Variants in EXOC4 observed in about 807,000 individuals in gnomAD.
The protein encoded by EXOC4 is exocyst complex component 4.
EXOC4 carries 71 observed loss-of-function variants against 107.2 expected under a neutral mutation model. The observed-to-expected ratio is 0.66, with a 90% CI of 0.55 to 0.81. The LOEUF is 0.81. Ranked by LOEUF, EXOC4 falls within the 30% of genes least tolerant of loss-of-function variation. EXOC4 has a pLI of 0.00. For missense variants in EXOC4, 1,108 were observed against 1,189.6 expected (o/e 0.93, Z 1.01); for synonymous variants, 456 against 441.2 (o/e 1.03, Z -0.42).
chr7:133,827,970 A>G (rs1286405220), intron 11 of EXOC4, among the ~76,000 whole-genome samples: 2 of 152,160 alleles, frequency 1.3e-5, no homozygotes, highest in Non-Finnish European at 2.9e-5. Flanking sequence ...ACTTTCTATC[A>G]TGAGTAAAGG....
At position 133,329,815 on chromosome 7, in the gene EXOC4, ACCAGCCAGATG is replaced by A. The variant is rs369224107; in HGVS notation, c.763+12435_763+12445del. On this transcript the variant is annotated intron_variant, in intron 5 of 17. Transcript: ENST00000253861. The stretch of plus-strand genomic sequence containing the variant: ...TCTGGAAGCTTCATCTCAGAGGGGC[ACCAGCCAGATG>A]CCAGCCAGAGCTCTCCTTTATGAGG... Among the ~76,000 whole-genome samples, 14 of 152,266 alleles carry A rather than the reference ACCAGCCAGATG, an allele frequency of 9.2e-5. 1 individual carries two copies. The highest frequency in any genetic ancestry group is 3.4e-4 in the African/African-American group (14 of 41,554).
intron 10 of EXOC4, among the ~76,000 whole-genome samples, chr7:133,747,905 CG>C (rs1795711858): frequency 6.6e-6 from 1 of 152,106 alleles, no homozygotes; most frequent in African/African-American, 2.4e-5. Context: ...CTTGCCTATC[CG>C]TACCATCACA....
At chr7:133,284,636 A>T (rs906401825) in intron 2 of EXOC4, among the ~76,000 whole-genome samples, 4 of 152,086 alleles carry the variant, frequency 2.6e-5, no homozygotes, top group African/African-American at 7.2e-5. Flanking sequence ...GATTCATGCA[A>T]TTCTCCTGCC....
chr7:133,691,500 A>C (rs1794417759), intron 10 of EXOC4, among the ~76,000 whole-genome samples: 1 of 152,230 alleles, frequency 6.6e-6, no homozygotes, highest in Admixed American at 6.5e-5. Context: ...ATAAAATATT[A>C]ATAATACATA....
chr7:133,501,773 G>T (rs1584962116), intron 9 of EXOC4, among the ~76,000 whole-genome samples: 1 of 152,096 alleles, frequency 6.6e-6, no homozygotes. Context: ...TTATTTTATT[G>T]GGGTACAGGG....
chr7:133,431,040 G>A (rs781268425), intron 7 of EXOC4, among the ~76,000 whole-genome samples: 25 of 152,150 alleles, frequency 1.6e-4, no homozygotes, highest in Non-Finnish European at 3.2e-4. Context: ...CGTTTGTTTC[G>A]TAATGAGAAA....
At chr7:133,831,260 G>A (rs1426776117) in intron 11 of EXOC4, among the ~76,000 whole-genome samples, 1 of 152,154 alleles carries the variant, frequency 6.6e-6, no homozygotes. Flanking sequence ...ACCACACCTG[G>A]CCGACCTTGA....
chr7:134,009,227 A>G (rs1322531468), intron 17 of EXOC4, among the ~76,000 whole-genome samples: 3 of 152,050 alleles, frequency 2.0e-5, no homozygotes, highest in Non-Finnish European at 4.4e-5. Flanking sequence ...CCTGAGATTT[A>G]GTATTTCTGT....
intron 17 of EXOC4, among the ~76,000 whole-genome samples, chr7:134,020,997 AT>A (rs1352513313): frequency 6.6e-6 from 1 of 151,788 alleles, no homozygotes; most frequent in African/African-American, 2.4e-5. Context: ...AAAAAAAAAA[AT>A]ATGAAGGGTT....
intron 10 of EXOC4, among the ~76,000 whole-genome samples, chr7:133,672,116 G>T (rs1216116146): frequency 8.5e-5 from 13 of 152,144 alleles, no homozygotes; most frequent in Admixed American, 8.5e-4. Flanking sequence ...TACAGGCCAG[G>T]CGTGGTGGCT....
At chr7:133,969,789 G>T (rs961144410) in intron 14 of EXOC4, among the ~76,000 whole-genome samples, 48 of 152,324 alleles carry the variant, frequency 3.2e-4, no homozygotes, top group African/African-American at 1.1e-3. Flanking sequence ...CTGCTGGGAG[G>T]TATCTCCCAG....
chr7:133,722,078 T>A (rs1309303333), intron 10 of EXOC4, among the ~76,000 whole-genome samples: 3 of 152,206 alleles, frequency 2.0e-5, no homozygotes, highest in African/African-American at 7.2e-5. Flanking sequence ...TGATGCAATT[T>A]GCAGCTGCAT....
At chr7:134,018,496 A>G (rs1056494876) in intron 17 of EXOC4, among the ~76,000 whole-genome samples, 9 of 152,286 alleles carry the variant, frequency 5.9e-5, no homozygotes, top group Admixed American at 5.9e-4. Context: ...GAAAAAGATC[A>G]GAGTACTGAA....
intron 2 of EXOC4, among the ~76,000 whole-genome samples, chr7:133,280,512 A>G (rs1168604015): frequency 6.6e-6 from 1 of 152,168 alleles, no homozygotes; most frequent in Non-Finnish European, 1.5e-5. Context: ...TTATCACTGG[A>G]ACAGGGTAGG....
At chr7:133,761,001 A>C (rs1386098722) in intron 10 of EXOC4, among the ~76,000 whole-genome samples, 1 of 152,212 alleles carries the variant, frequency 6.6e-6, no homozygotes, top group Admixed American at 6.5e-5. Context: ...CAAGATGGCA[A>C]ATTCACAACC....
intron 1 of EXOC4, among the ~76,000 whole-genome samples, chr7:133,274,155 C>G (rs901058630): frequency 4.6e-5 from 7 of 152,138 alleles, no homozygotes; most frequent in African/African-American, 1.4e-4. Context: ...TAGTGCTGTT[C>G]GAAGACTAGT....
At chr7:133,800,636 G>A (rs925577292) in intron 10 of EXOC4, among the ~76,000 whole-genome samples, 7 of 152,116 alleles carry the variant, frequency 4.6e-5, no homozygotes, top group African/African-American at 1.7e-4. Context: ...TTCAAAAGTT[G>A]AAGCAATCTT....
intron 10 of EXOC4, among the ~76,000 whole-genome samples, chr7:133,735,254 T>TAAAAAAAAAAAA (rs1795419906): frequency 1.1e-5 from 1 of 93,782 alleles, no homozygotes; most frequent in Non-Finnish European, 2.4e-5. Context: ...AAAAAAAAAG[T>TAAAAAAAAAAAA]TAAAGTACGG....
intron 14 of EXOC4, among the ~76,000 whole-genome samples, chr7:133,976,216 G>C (rs1049437858): frequency 6.6e-6 from 1 of 151,854 alleles, no homozygotes; most frequent in Non-Finnish European, 1.5e-5. Context: ...CCACAGATTG[G>C]TGAAGTAGTG....
Sources: allele counts gnomAD v4.1 joint callset (sites outside exome capture counted in the v4.1 genomes callset), GRCh38; gene constraint gnomAD v4.1.1; transcripts MANE v1.5; gene names NCBI Gene and HGNC (gene_info 2026-07-23, HGNC 2026-07-21).